The following SORBS2 variants were observed in gnomAD, a reference collection of about 807,000 sequenced individuals.
SORBS2 encodes the protein sorbin and SH3 domain containing 2.
In SORBS2, 46 loss-of-function variants were observed where a neutral mutation model predicts 97.7. That is an observed-to-expected ratio of 0.47 (90% confidence interval 0.37 to 0.60). SORBS2 has a LOEUF of 0.60. Ranked by LOEUF, SORBS2 falls within the 20% of genes least tolerant of loss-of-function variation. The pLI is 0.00. For synonymous variants in SORBS2, 476 were observed against 473.4 expected, an observed-to-expected ratio of 1.01 and a Z score of -0.07; for missense variants, 1,316 against 1,282.3, an observed-to-expected ratio of 1.03 and a Z score of -0.40.
At chr4:185,670,176 A>G (rs780670750) in intron 4 of SORBS2, among the ~76,000 whole-genome samples, 174 of 152,066 alleles carry the variant, frequency 1.1e-3, no homozygotes, top group Non-Finnish European at 2.0e-3. Context: ...CCGAGATCAC[A>G]CCACTGCACT....
intron 1 of SORBS2, among the ~76,000 whole-genome samples, chr4:185,814,785 C>T (rs2099192267): frequency 6.6e-6 from 1 of 152,212 alleles, no homozygotes; most frequent in Admixed American, 6.5e-5. Context: ...GGCATCTCTA[C>T]TGGCCTTCAC....
chr4:185,751,603 C>T (rs1005859299), intron 2 of SORBS2, among the ~76,000 whole-genome samples: 5 of 152,094 alleles, frequency 3.3e-5, no homozygotes, highest in African/African-American at 9.7e-5. Context: ...GAAGGCACCA[C>T]TCCAAAGAGT....
chr4:185,927,280 T>G (rs2099264184), intron 1 of SORBS2, among the ~76,000 whole-genome samples: 1 of 151,834 alleles, frequency 6.6e-6, no homozygotes, highest in South Asian at 2.1e-4. Context: ...TTTTTTATTT[T>G]TTATTTTACT....
chr4:185,804,522 G>T (rs2099144812), intron 1 of SORBS2, among the ~76,000 whole-genome samples: 1 of 152,162 alleles, frequency 6.6e-6, no homozygotes, highest in Admixed American at 6.5e-5. Context: ...CCCTCTTTGG[G>T]AAATAATTTA....
intron 1 of SORBS2, among the ~76,000 whole-genome samples, chr4:185,861,139 G>A (rs1192488657): frequency 1.3e-5 from 2 of 152,082 alleles, no homozygotes; most frequent in Non-Finnish European, 2.9e-5. Flanking sequence ...TGTTTTGTCG[G>A]CAGATTTCTG....
rs1192705441 is a variant in SORBS2 at position 185,860,405 on chromosome 4, G to A, written c.-337-85039C>T. On this transcript the variant is annotated intron_variant, in intron 1 of 20. Transcript: ENST00000284776. ...CGTGACAAAGCAGTGCCTGAGGGCT[G>A]GCTTTAGCTTGGCTGGTTAGAAAGG... Among the ~76,000 whole-genome samples, 3 of 152,348 alleles carry A rather than the reference G, an allele frequency of 2.0e-5. No homozygotes were observed. The East Asian group carries it at 5.8e-4, about 29-fold the overall frequency.
intron 1 of SORBS2, among the ~76,000 whole-genome samples, chr4:185,847,536 C>A (rs2099215274): frequency 6.6e-6 from 1 of 152,108 alleles, no homozygotes; most frequent in African/African-American, 2.4e-5. Context: ...AGACATACAT[C>A]CTCCTCTCCT....
rs1048913393 is a variant in SORBS2, at chr4:185,933,146, G to C, written c.-338+23050C>G. 2.6e-5 allele frequency: 4 copies of C among 152,178 alleles called. No homozygotes were observed. In the South Asian group the frequency reaches 8.3e-4, roughly 32 times the overall value. 9.4% of individuals were successfully genotyped at this position (152,178 alleles called of 1,614,324 possible). A position where few individuals can be genotyped will look rare whatever the true frequency, so the allele number is the denominator to read the frequency against. On this transcript the variant is annotated intron_variant, in intron 1 of 20. Transcript: ENST00000284776. ...CTCCTAATGACCAGTTGTCTCAAGG[G>C]AGGTCTGAGTCACAGTCCCAGCAGT...
At chr4:185,929,596 C>A (rs1370374682) in intron 1 of SORBS2, among the ~76,000 whole-genome samples, 5 of 149,094 alleles carry the variant, frequency 3.4e-5, no homozygotes, top group Middle Eastern at 3.4e-3. Context: ...GGTGCAATCT[C>A]GACTCACTGA....
intron 2 of SORBS2, chr4:185,772,479 T>G (rs974074499): frequency 2.0e-5 from 3 of 152,232 alleles, no homozygotes; most frequent in Non-Finnish European, 4.4e-5. Flanking sequence ...CGGATAGACC[T>G]GGACAAAATG....
At chr4:185,858,035 T>C (rs2099221601) in intron 1 of SORBS2, among the ~76,000 whole-genome samples, 1 of 152,136 alleles carries the variant, frequency 6.6e-6, no homozygotes, top group African/African-American at 2.4e-5. Context: ...ATACATCCCC[T>C]CCCTTTTCAA....
intron 1 of SORBS2, among the ~76,000 whole-genome samples, chr4:185,777,845 T>C (rs1322833186): frequency 1.3e-5 from 2 of 152,168 alleles, no homozygotes; most frequent in African/African-American, 2.4e-5. Flanking sequence ...ATTATTCAGG[T>C]GATGGACACA....
intron 3 of SORBS2, among the ~76,000 whole-genome samples, chr4:185,648,527 C>T (rs1321901266): frequency 1.3e-5 from 2 of 151,102 alleles, no homozygotes; most frequent in African/African-American, 2.4e-5. Context: ...TGAGCCACCA[C>T]GCCTGGCCTG....
intron 2 of SORBS2, among the ~76,000 whole-genome samples, chr4:185,701,486 T>C (rs374856944): frequency 6.6e-6 from 1 of 152,230 alleles, no homozygotes; most frequent in East Asian, 1.9e-4. Flanking sequence ...TTTCCATTTC[T>C]TCTTTTATAA....
Position 185,855,789 on chromosome 4 carries a change from A to G in SORBS2, c.-337-80423T>C, listed in dbSNP as rs115138440. ...TCCTTCACCACCACACATCCTATCT[A>G]AGATGTTTGCTGTTGTCATTTACAT... On this transcript the variant is annotated intron_variant, in intron 1 of 20. Coordinates refer to the SORBS2 transcript ENST00000284776. 3.1e-3 allele frequency among the ~76,000 whole-genome samples: 471 copies of G among 152,264 alleles called. 4 individuals carry two copies. Among genetic ancestry groups the G allele is most frequent in the African/African-American group, 0.01 (435 of 41,558 alleles).
intron 2 of SORBS2, among the ~76,000 whole-genome samples, chr4:185,700,815 T>G (rs1240193951): frequency 1.3e-5 from 2 of 152,198 alleles, no homozygotes; most frequent in African/African-American, 4.8e-5. Flanking sequence ...CACTTCTAGT[T>G]CTTACCCCCC....
chr4:185,680,006 A>G (rs1447613274), intron 2 of SORBS2, among the ~76,000 whole-genome samples: 1 of 152,214 alleles, frequency 6.6e-6, no homozygotes, highest in African/African-American at 2.4e-5. Context: ...GCTAGAGAAG[A>G]CTAATGAATT....
intron 2 of SORBS2, among the ~76,000 whole-genome samples, chr4:185,694,213 T>C (rs911348283): frequency 6.6e-6 from 1 of 152,266 alleles, no homozygotes; most frequent in Non-Finnish European, 1.5e-5. Flanking sequence ...TCTTTTGTTC[T>C]GCTCTGAAAA....
chr4:185,812,068 C>T (rs1389494026), intron 1 of SORBS2: 1 of 152,264 alleles, frequency 6.6e-6, no homozygotes, highest in East Asian at 1.9e-4. Flanking sequence ...AGTCAACAGC[C>T]TGTCCAAAAG....
Sources: allele counts gnomAD v4.1 joint callset (sites outside exome capture counted in the v4.1 genomes callset), GRCh38; gene constraint gnomAD v4.1.1; transcripts MANE v1.5; gene names NCBI Gene and HGNC (gene_info 2026-07-23, HGNC 2026-07-21).